PRDM2: variants seen among roughly 807,000 people sequenced by gnomAD.
PRDM2 encodes the protein PR/SET domain 2.
In PRDM2, 30 loss-of-function variants were observed where a neutral mutation model predicts 130.0. That is an observed-to-expected ratio of 0.23 (90% CI 0.17 to 0.31). PRDM2 has a LOEUF of 0.31. Ranked by LOEUF, PRDM2 falls within the 10% of genes least tolerant of loss-of-function variation. PRDM2 has a pLI of 1.00. For synonymous variants in PRDM2, 871 were observed against 782.4 expected (o/e 1.11, Z -1.89); for missense variants, 2,011 against 2,108.4 (o/e 0.95, Z 0.90).
intron 8 of PRDM2, among the ~76,000 whole-genome samples, chr1:13,805,239 C>T (rs1645069582): frequency 6.6e-6 from 1 of 152,188 alleles, no homozygotes; most frequent in Non-Finnish European, 1.5e-5. Context: ...CCTCATTTTA[C>T]AGGCAAGACT....
At position 13,779,695 on chromosome 1, in the gene PRDM2, A is replaced by T. The variant is rs770166125; in HGVS notation, c.1900A>T (p.Ser634Cys). The T allele has an allele frequency of 3.1e-6, 5 of 1,613,968 alleles. No individual in the cohort carries two copies. In the African/African-American group the frequency reaches 6.7e-5, roughly 22 times the overall value. ...LPKEPLGSTNSEAKKRRTASP... is the reference protein window; with the variant it reads ...LPKEPLGSTNCEAKKRRTASP... ...TAAAGAGCCTTTGGGCAGCACAAATAGTGAGGCCAAGAAGCGGAGAACTGC... is the reference window on the plus strand; with the variant it reads ...TAAAGAGCCTTTGGGCAGCACAAATTGTGAGGCCAAGAAGCGGAGAACTGC... The change falls in exon 8 of 10, where the codon AGT becomes TGT. Residue 634 changes from serine to cysteine, a missense_variant. By Grantham distance (112) the Ser-to-Cys change is moderately radical. This residue lies in a region of PRDM2 where 1,288 missense variants were observed against 1,237.7 expected (regional missense o/e 1.04). Transcript: ENST00000311066. The surrounding 1 kb of genome is among the most constrained non-coding windows in gnomAD (Gnocchi z 4.9).
intron 4 of PRDM2, among the ~76,000 whole-genome samples, chr1:13,738,110 A>G (rs1643325809): frequency 6.6e-6 from 1 of 152,214 alleles, no homozygotes; most frequent in Non-Finnish European, 1.5e-5. Context: ...TGTTTCAGTG[A>G]AAGCCTTTTT....
chr1:13,742,943 G>A (rs1159293473), intron 5 of PRDM2, among the ~76,000 whole-genome samples: 1 of 149,608 alleles, frequency 6.7e-6, no homozygotes, highest in Non-Finnish European at 1.5e-5. Flanking sequence ...TTTCTTTGGA[G>A]ATATTAATTG....
intron 8 of PRDM2, among the ~76,000 whole-genome samples, chr1:13,811,040 C>T (rs1045376445): frequency 2.6e-5 from 4 of 151,858 alleles, no homozygotes; most frequent in Non-Finnish European, 4.4e-5. Context: ...AAAAATTAGC[C>T]GGGCATGGTG....
chr1:13,727,258 A>G (rs72869942), intron 2 of PRDM2, among the ~76,000 whole-genome samples: 295 of 150,860 alleles, frequency 2.0e-3, no homozygotes, highest in African/African-American at 6.9e-3. Context: ...TCCCTACTCC[A>G]TGACTGTGTT....
Position 13,801,143 on chromosome 1 carries a change from G to A in PRDM2, c.5037-15284G>A, listed in dbSNP as rs563891831. Among the ~76,000 whole-genome samples the A allele has an allele frequency of 5.9e-4, 90 of 152,318 alleles. 1 individual carries two copies. Among genetic ancestry groups the A allele is most frequent in the African/African-American group, 1.9e-3 (81 of 41,572 alleles). The stretch of plus-strand genomic sequence containing the variant: ...GGAGGGCACTGCAGGCAGGGGCATC[G>A]ACGTGAGCGAGGACTGAAGTGACAT... On this transcript the variant is annotated intron_variant, in intron 8 of 9. Transcript: ENST00000311066.
At chr1:13,716,465 A>G (rs1642544335) in intron 2 of PRDM2, among the ~76,000 whole-genome samples, 1 of 152,208 alleles carries the variant, frequency 6.6e-6, no homozygotes, top group South Asian at 2.1e-4. Context: ...AAAAAATAAA[A>G]AAAAGAGAGG....
Position 13,715,629 on chromosome 1 carries a change from C to A in PRDM2, c.9+15C>A. 1 of 1,586,874 alleles carries A rather than the reference C, an allele frequency of 6.3e-7. No homozygotes were observed. Among genetic ancestry groups the A allele is most frequent in the South Asian group, 1.1e-5 (1 of 87,140 alleles). ...AAATGAATCAGGTGAGTTTAAAAAT[C>A]AGAATTTATACAAATACATGACCTA... On this transcript the variant is annotated intron_variant, in intron 2 of 9. Transcript: ENST00000311066.
At chr1:13,727,489 A>G (rs1642960262) in intron 2 of PRDM2, among the ~76,000 whole-genome samples, 1 of 152,202 alleles carries the variant, frequency 6.6e-6, no homozygotes, top group African/African-American at 2.4e-5. Flanking sequence ...TCCTGACCTC[A>G]GGTAATCTGC....
chr1:13,816,286 C>A (rs763136731), intron 8 of PRDM2, 141 bp from the exon 9 acceptor site: 6 of 1,016,180 alleles, frequency 5.9e-6, no homozygotes, highest in Non-Finnish European at 7.2e-6. Context: ...ATGCCAGGCA[C>A]CTGGCCTCAA....
chr1:13,720,259 G>A (rs938816784), intron 2 of PRDM2, among the ~76,000 whole-genome samples: 1 of 152,218 alleles, frequency 6.6e-6, no homozygotes, highest in Non-Finnish European at 1.5e-5. Context: ...GGTACATGCA[G>A]CTTTATGTAA....
chr1:13,787,625 T>C, intron 8 of PRDM2: 1 of 968,832 alleles, frequency 1.0e-6, no homozygotes, highest in Non-Finnish European at 1.2e-6. Context: ...ATAAAGCATT[T>C]GTAGCAATTT....
intron 6 of PRDM2, among the ~76,000 whole-genome samples, chr1:13,765,134 C>T (rs1557632185): frequency 6.6e-6 from 1 of 152,232 alleles, no homozygotes; most frequent in East Asian, 1.9e-4. Context: ...ACCCACCCCG[C>T]TGCAAACCTT....
chr1:13,738,493 G>A (rs1394543806), intron 4 of PRDM2, among the ~76,000 whole-genome samples: 2 of 152,214 alleles, frequency 1.3e-5, no homozygotes, highest in Non-Finnish European at 2.9e-5. Context: ...AAACATTTGT[G>A]TAGTTGTAGT....
At chr1:13,788,745 T>C (rs912302819) in intron 8 of PRDM2, among the ~76,000 whole-genome samples, 1 of 152,046 alleles carries the variant, frequency 6.6e-6, no homozygotes, top group African/African-American at 2.4e-5. Context: ...CTGTGAGGAG[T>C]TGAGTGTTGT....
chr1:13,725,585 T>C (rs553921938), intron 2 of PRDM2, among the ~76,000 whole-genome samples: 1 of 152,336 alleles, frequency 6.6e-6, no homozygotes, highest in Non-Finnish European at 1.5e-5. Flanking sequence ...AGCTAGGAAA[T>C]TGATTTGGTA....
At chr1:13,731,561 C>T (rs1187623191) in intron 3 of PRDM2, among the ~76,000 whole-genome samples, 1 of 152,146 alleles carries the variant, frequency 6.6e-6, no homozygotes, top group African/African-American at 2.4e-5. Context: ...ATCTTTGTGC[C>T]TCCAGTACCA....
rs146071386 is a variant in PRDM2, at chr1:13,734,898, A to G, written c.231+2016A>G. Among the ~76,000 whole-genome samples the G allele has an allele frequency of 2.7e-3, 419 of 152,380 alleles. 3 individuals are homozygous for G. Among genetic ancestry groups the G allele is most frequent in the Non-Finnish European group, 4.4e-3 (296 of 68,034 alleles). On this transcript the variant is annotated intron_variant, in intron 4 of 9. Transcript: ENST00000311066. ...ATATGGCAAAGGAAGTATCAATTAT[A>G]ATGTAAATATTTCTTAGAAGAAAAT...
At chr1:13,822,552 T>C (rs61642972) in intron 9 of PRDM2, among the ~76,000 whole-genome samples, 6,688 of 151,992 alleles carry the variant, frequency 0.044, 490 homozygotes, top group African/African-American at 0.15. Flanking sequence ...CCTGCCACCA[T>C]GCCTGGCTAA....
Sources: allele counts gnomAD v4.1 joint callset (sites outside exome capture counted in the v4.1 genomes callset), GRCh38; gene constraint gnomAD v4.1.1; regional missense constraint gnomAD v4.1.1; non-coding constraint Gnocchi (gnomAD v3.1); transcripts MANE v1.5; gene names NCBI Gene and HGNC (gene_info 2026-07-23, HGNC 2026-07-21).